NISCH: variants seen among roughly 807,000 people sequenced by gnomAD.
NISCH encodes nischarin.
A neutral mutation model predicts 138.4 loss-of-function variants in NISCH; 55 were observed. The observed-to-expected ratio is 0.40, with a 90% CI of 0.32 to 0.50. NISCH has a LOEUF of 0.50. NISCH is among the 20% of genes least tolerant of loss of function. The pLI is 0.71. For missense variants in NISCH, 1,643 were observed against 2,005.5 expected, an observed-to-expected ratio of 0.82 and a Z score of 3.45; for synonymous variants, 860 against 861.5, an observed-to-expected ratio of 1.00 and a Z score of 0.03.
rs186668401 is a variant in NISCH, at chr3:52,465,773, C to G, written c.361-5086C>G. ...TACTTCCCAACGGTTTAGTCCAAGT[C>G]AGTCATTTAACCTGCCTGTGAGCTG... On this transcript the variant is annotated intron_variant, in intron 3 of 20. Transcript: ENST00000345716. 1.7e-3 allele frequency among the ~76,000 whole-genome samples: 264 copies of G among 152,304 alleles called. 9 individuals carry two copies. The South Asian group carries it at 0.054, about 31-fold the overall frequency.
intron 3 of NISCH, among the ~76,000 whole-genome samples, chr3:52,463,462 A>G (rs574378834): frequency 1.3e-5 from 2 of 152,316 alleles, no homozygotes; most frequent in South Asian, 4.1e-4. Context: ...TTTGTTGGAT[A>G]TATAGCCAAA....
rs1311570185 is a variant in NISCH at position 52,473,786 on chromosome 3, C to G, written c.722C>G (p.Thr241Ser). 1 of 1,610,390 alleles carries G rather than the reference C, an allele frequency of 6.2e-7. No individual in the cohort carries two copies. The highest frequency in any genetic ancestry group is 8.5e-7 in the Non-Finnish European group (1 of 1,177,018). ...HIRGLVASKP[T>S]LATLSVRFSA... ...AGAGGGCTGGTCGCATCGAAGCCCACCTTAGCCACGCTGAGTGTCCGCTTC... is the reference window on the plus strand; with the variant it reads ...AGAGGGCTGGTCGCATCGAAGCCCAGCTTAGCCACGCTGAGTGTCCGCTTC... The change falls in exon 7 of 21, where the codon ACC becomes AGC. Residue 241 changes from threonine to serine, a missense_variant. Transcript: ENST00000345716.
chr3:52,461,646 G>A (rs1236667708), intron 3 of NISCH, among the ~76,000 whole-genome samples: 1 of 152,064 alleles, frequency 6.6e-6, no homozygotes, highest in Non-Finnish European at 1.5e-5. Context: ...GGTGGATCAC[G>A]AGGTCAGGAG....
chr3:52,481,553 T>TA, intron 13 of NISCH: 1 of 985,478 alleles, frequency 1.0e-6, no homozygotes, highest in Non-Finnish European at 1.2e-6. Context: ...CCTGTGGAGG[T>TA]ACCATATGAC....
chr3:52,467,093 T>C (rs4687616), intron 3 of NISCH, among the ~76,000 whole-genome samples: 144,704 of 150,280 alleles, frequency 0.96, 69,717 homozygotes, highest in African/African-American at 0.99. Flanking sequence ...CTCCACCTCC[T>C]GGGTTCAAGT....
At position 52,476,403 on chromosome 3, in the gene NISCH, G is replaced by T. The variant is rs750321895; in HGVS notation, c.766-44G>T. The T allele has an allele frequency of 5.0e-6, 8 of 1,605,444 alleles. No individual in the cohort carries two copies. The East Asian group carries it at 1.6e-4, about 31-fold the overall frequency. ...CGACTGTGTTCCCAGTGAGTGTTGCGTGAGGGCCCGAGTGTGGTGCTCCAC... is the reference window on the plus strand; with the variant it reads ...CGACTGTGTTCCCAGTGAGTGTTGCTTGAGGGCCCGAGTGTGGTGCTCCAC... On this transcript the variant is annotated intron_variant, in intron 7 of 20. Transcript: ENST00000345716.
At chr3:52,481,328 G>A (rs1578302566) in intron 13 of NISCH, 2 of 1,004,830 alleles carry the variant, frequency 2.0e-6, no homozygotes, top group Non-Finnish European at 1.2e-6. Flanking sequence ...AAGGCCCAAC[G>A]CAGAGCAGCA....
At chr3:52,469,685 A>G (rs6445483) in intron 3 of NISCH, among the ~76,000 whole-genome samples, 146,533 of 152,168 alleles carry the variant, frequency 0.96, 70,605 homozygotes, top group African/African-American at 0.99. Context: ...TGGCTGAGGC[A>G]GGGTGGATAA....
chr3:52,491,931 G>A lies in NISCH; in HGVS notation c.3964G>A (p.Glu1322Lys). 6.2e-7 allele frequency: 1 copy of A among 1,613,460 alleles called. No individual in the cohort carries two copies. Among genetic ancestry groups the A allele is most frequent in the Non-Finnish European group, 8.5e-7 (1 of 1,179,904 alleles). ...TCGCGTCAAGTTTACCTACCCCAGT[G>A]AGGAGGAGATTGGGGACCTGACGTT... ...SSRVKFTYPS[E>K]EEIGDLTFTV... is the part of the protein sequence containing the mutation. The change falls in exon 21 of 21, where the codon GAG becomes AAG. Residue 1322 changes from glutamate (E) to lysine (K), a missense_variant. Physicochemically the swap from Glu to Lys is moderately conservative, Grantham distance 56. Coordinates refer to ENST00000345716, the MANE Select transcript of NISCH (RefSeq NM_007184.4).
chr3:52,491,854 G>C lies in NISCH; in HGVS notation c.3905-18G>C. On this transcript the variant is annotated intron_variant, in intron 20 of 20. Transcript: ENST00000345716. ...GGGGCCGGTTCCAGGCTATAGCCCA[G>C]GTGGCATCTCTCTGCAGGGAAGATG... 6.4e-7 allele frequency: 1 copy of C among 1,568,958 alleles called. No homozygotes were observed. The highest frequency in any genetic ancestry group is 8.7e-7 in the Non-Finnish European group (1 of 1,154,118).
chr3:52,470,909 T>C lies in NISCH; in HGVS notation c.409+2T>C. ...TGGCTGAAGAGCTCTTTGAGAAAGG[T>C]ATGTGGCCACATGTCCCTGAAATAC... On this transcript the variant is annotated splice_donor_variant, in intron 4 of 20. Coordinates refer to ENST00000345716, the MANE Select transcript of NISCH (RefSeq NM_007184.4). LOFTEE classifies it high-confidence loss of function. 1 of 1,613,966 alleles carries C rather than the reference T, an allele frequency of 6.2e-7. No homozygotes were observed. Among genetic ancestry groups the C allele is most frequent in the Non-Finnish European group, 8.5e-7 (1 of 1,179,940 alleles).
chr3:52,470,754 A>G lies in NISCH; in HGVS notation c.361-105A>G, dbSNP rs111378579. The G allele has an allele frequency of 4.0e-5, 37 of 925,414 alleles. 1 individual carries two copies. In the Middle Eastern group the frequency reaches 1.1e-3, roughly 27 times the overall value. The allele number at this position is 925,414 out of a possible 1,614,324, so 57.3% of individuals were successfully genotyped here. On this transcript the variant is annotated intron_variant, in intron 3 of 20. Coordinates refer to ENST00000345716, the MANE Select transcript of NISCH (RefSeq NM_007184.4). Reference sequence around the variant, plus strand: ...CCTCCTTTCTTTAGTTTAACTTCCTAGAGAGATGGCACTGGCACAACAGAG... The same window carrying G: ...CCTCCTTTCTTTAGTTTAACTTCCTGGAGAGATGGCACTGGCACAACAGAG...
intron 13 of NISCH, chr3:52,484,244 G>T: frequency 4.9e-5 from 19 of 386,802 alleles, no homozygotes; most frequent in East Asian, 8.2e-5. Flanking sequence ...TAATTTTTAT[G>T]TAGTCACATC....
In NISCH at chr3:52,490,694, C is replaced by G. The variant is rs201130874; in HGVS notation, c.3614-11C>G. The G allele has an allele frequency of 6.2e-7, 1 of 1,614,160 alleles. No homozygotes were observed. Among genetic ancestry groups the G allele is most frequent in the Non-Finnish European group, 8.5e-7 (1 of 1,180,020 alleles). On this transcript the variant is annotated splice_polypyrimidine_tract_variant and intron_variant, in intron 18 of 20. Coordinates refer to ENST00000345716, the MANE Select transcript of NISCH (RefSeq NM_007184.4). ...CCACCGCCTCCCTCTGTCCCTTTCT[C>G]CATCACACAGATTTCTGGCATCAGA...
At chr3:52,469,436 A>T (rs570654402) in intron 3 of NISCH, among the ~76,000 whole-genome samples, 1 of 152,264 alleles carries the variant, frequency 6.6e-6, no homozygotes, top group Admixed American at 6.5e-5. Context: ...GCGCTTGTCC[A>T]CCTCAGGTTG....
intron 16 of NISCH, among the ~76,000 whole-genome samples, chr3:52,489,100 T>C (rs1176297865): frequency 6.6e-6 from 1 of 152,168 alleles, no homozygotes; most frequent in Non-Finnish European, 1.5e-5. Flanking sequence ...CAGGCTGGTC[T>C]CAAACTTTGG....
chr3:52,477,260 G>A (rs1707123443), intron 8 of NISCH, among the ~76,000 whole-genome samples: 1 of 152,180 alleles, frequency 6.6e-6, no homozygotes, highest in Admixed American at 6.5e-5. Flanking sequence ...CCGTGTTTGC[G>A]CTGCTCAGGG....
At chr3:52,490,932 T>C (rs1707545260) in intron 19 of NISCH, 99 bp downstream of exon 19, 3 of 1,512,058 alleles carry the variant, frequency 2.0e-6, no homozygotes, top group Non-Finnish European at 9.0e-7. Flanking sequence ...TAGACAGTTA[T>C]CTCTGTGCTC....
At position 52,478,536 on chromosome 3, in the gene NISCH, C is replaced by T. The variant is rs1432799105; in HGVS notation, c.1261C>T (p.Arg421Trp). Reference sequence around the variant, plus strand: ...CCCTCTGAGCATCATCCCCGACTACCGGACCAAGGTGCTGGCTCAGTTCGG... The same window carrying T: ...CCCTCTGAGCATCATCCCCGACTACTGGACCAAGGTGCTGGCTCAGTTCGG... ...NNPLSIIPDY[R>W]TKVLAQFGER... Residue 421 changes from arginine (R) to tryptophan (W), a missense_variant, in exon 11 of 21, where the codon CGG (arginine) becomes TGG (tryptophan). Arg to Trp is a moderately radical substitution (Grantham distance 101, BLOSUM62 -3). Coordinates refer to ENST00000345716, the MANE Select transcript of NISCH (RefSeq NM_007184.4). The T allele has an allele frequency of 3.1e-6, 5 of 1,614,068 alleles. No individual in the cohort carries two copies. Among genetic ancestry groups the T allele is most frequent in the East Asian group, 2.2e-5 (1 of 44,894 alleles).
Sources: gnomAD v4.1 joint callset for allele counts (sites outside exome capture counted in the v4.1 genomes callset) on GRCh38, gnomAD v4.1.1 for gene constraint, MANE v1.5 for transcripts, NCBI Gene and HGNC (gene_info 2026-07-23, HGNC 2026-07-21) for gene names.